Variants in TRUB1 observed in about 807,000 individuals in gnomAD.
The protein encoded by TRUB1 is pseudouridylate synthase TRUB1.
TRUB1 carries 23 observed loss-of-function variants against 33.9 expected under a neutral mutation model. That is an observed-to-expected ratio of 0.68 (90% CI 0.49 to 0.96). The LOEUF is 0.96. Among genes scored for constraint, TRUB1 ranks in the 40% least tolerant of loss-of-function variants. The pLI, the probability that TRUB1 is intolerant of heterozygous loss-of-function variation, is 0.00. For synonymous variants in TRUB1, 163 were observed against 165.4 expected (o/e 0.99, Z 0.11); for missense variants, 378 against 422.2 (o/e 0.90, Z 0.92).
intron 3 of TRUB1, among the ~76,000 whole-genome samples, chr10:114,957,017 C>T (rs550877142): frequency 1.3e-5 from 2 of 152,278 alleles, no homozygotes; most frequent in South Asian, 4.1e-4. Flanking sequence ...TGGGTTGAGA[C>T]TTAGCAGATG....
rs146370794 is a variant in TRUB1 at position 114,953,831 on chromosome 10, C to T, written c.441+2682C>T. Among the ~76,000 whole-genome samples, 635 of 152,090 alleles carry T rather than the reference C, an allele frequency of 4.2e-3. 7 individuals carry two copies. The highest frequency in any genetic ancestry group is 0.015 in the African/African-American group (606 of 41,478). On this transcript the variant is annotated intron_variant, in intron 3 of 7. Coordinates refer to ENST00000298746, the MANE Select transcript of TRUB1 (RefSeq NM_139169.5). Reference sequence around the variant, plus strand: ...AGAGAGGGAGTGACAGAGAGAGAGGCGGAGGTGCCAGGCTCTTTTAAACAG... The same window carrying T: ...AGAGAGGGAGTGACAGAGAGAGAGGTGGAGGTGCCAGGCTCTTTTAAACAG...
intron 4 of TRUB1, among the ~76,000 whole-genome samples, chr10:114,964,930 G>GTTT (rs11320741): frequency 4.7e-5 from 6 of 127,638 alleles, no homozygotes; most frequent in Admixed American, 7.8e-5. Flanking sequence ...TTTTCTATAG[G>GTTT]TTTTTTTTTT....
At position 114,976,779 on chromosome 10, in the gene TRUB1, A is replaced by C. The variant is rs1386378087; in HGVS notation, c.*1400A>C. The C allele has an allele frequency of 6.6e-6, 1 of 152,220 alleles. No individual in the cohort carries two copies. The highest frequency in any genetic ancestry group is 2.4e-5 in the African/African-American group (1 of 41,482). 9.4% of individuals were successfully genotyped at this position (152,220 alleles called of 1,614,324 possible). ...TTGGCAACATATTTTAAATGAAAAC[A>C]CTAAAACAATTCTTAGTATGAGACA... On this transcript the variant is annotated 3_prime_UTR_variant, in exon 8 of 8. Coordinates refer to ENST00000298746, the MANE Select transcript of TRUB1 (RefSeq NM_139169.5).
intron 4 of TRUB1, among the ~76,000 whole-genome samples, chr10:114,967,137 C>T (rs2084312040): frequency 6.6e-6 from 1 of 152,168 alleles, no homozygotes; most frequent in South Asian, 2.1e-4. Context: ...GTATTTTCCT[C>T]AAATTCCAGC....
At chr10:114,942,342 C>T (rs1199510133) in intron 1 of TRUB1, among the ~76,000 whole-genome samples, 1 of 152,136 alleles carries the variant, frequency 6.6e-6, no homozygotes, top group African/African-American at 2.4e-5. Context: ...CAAGAATTTA[C>T]TAGATTTTTG....
intron 6 of TRUB1, 119 bp from the exon 7 acceptor site, chr10:114,974,210 T>G (rs567255723): frequency 4.0e-6 from 3 of 743,242 alleles, no homozygotes; most frequent in Non-Finnish European, 6.9e-6. Flanking sequence ...AGTGCATAAA[T>G]ATTTTATCAC....
chr10:114,956,304 A>G (rs2084261555), intron 3 of TRUB1, among the ~76,000 whole-genome samples: 1 of 152,210 alleles, frequency 6.6e-6, no homozygotes, highest in Admixed American at 6.5e-5. Context: ...TCCCAGGTAT[A>G]CGTCTTGGAG....
chr10:114,970,602 T>C (rs1338497680), intron 5 of TRUB1, among the ~76,000 whole-genome samples, 162 bp downstream of exon 5: 1 of 152,226 alleles, frequency 6.6e-6, no homozygotes, highest in Non-Finnish European at 1.5e-5. Context: ...ATGTGGAGCT[T>C]TTGACACTCT....
rs1188895360 is a variant in TRUB1, at chr10:114,976,587, T to C, written c.*1208T>C. 2 of 152,280 alleles carry C rather than the reference T, an allele frequency of 1.3e-5. No homozygotes were observed. The highest frequency in any genetic ancestry group is 3.9e-4 in the East Asian group (2 of 5,188). 9.4% of individuals were successfully genotyped at this position (152,280 alleles called of 1,614,324 possible). On this transcript the variant is annotated 3_prime_UTR_variant, in exon 8 of 8. Coordinates refer to ENST00000298746, the MANE Select transcript of TRUB1 (RefSeq NM_139169.5). ...ATGAGAAATTTCATAAAATACAAGT[T>C]TTTAGATGTTTATGCTTTGCCTTTC...
chr10:114,970,893 C>T (rs956850993), intron 5 of TRUB1, among the ~76,000 whole-genome samples: 6 of 152,150 alleles, frequency 3.9e-5, no homozygotes, highest in Admixed American at 1.3e-4. Flanking sequence ...CTGCAGCCAG[C>T]GAAACCGATG....
chr10:114,955,479 C>G (rs2084258027), intron 3 of TRUB1, among the ~76,000 whole-genome samples: 1 of 152,084 alleles, frequency 6.6e-6, no homozygotes, highest in Admixed American at 6.5e-5. Flanking sequence ...ATAAAGGTAC[C>G]TCCATATCTC....
chr10:114,959,932 T>G (rs1261262490), intron 4 of TRUB1, 125 bp downstream of exon 4: 24 of 629,198 alleles, frequency 3.8e-5, no homozygotes, highest in Middle Eastern at 3.8e-4. Flanking sequence ...TTCTTTGGGC[T>G]AAGAAGATTG....
At chr10:114,944,515 C>T (rs753469927) in intron 2 of TRUB1, among the ~76,000 whole-genome samples, 40 of 151,914 alleles carry the variant, frequency 2.6e-4, no homozygotes, top group Admixed American at 1.6e-3. Context: ...AAAAATTAGC[C>T]GGGCATGGTG....
intron 4 of TRUB1, among the ~76,000 whole-genome samples, chr10:114,961,600 A>G (rs1206781123): frequency 6.6e-6 from 1 of 152,222 alleles, no homozygotes; most frequent in African/African-American, 2.4e-5. Context: ...TCTCATTGTA[A>G]TGATGCAGTA....
chr10:114,967,220 ACAGTTAAGAAAG>A (rs796655463), intron 4 of TRUB1, among the ~76,000 whole-genome samples: 9 of 152,220 alleles, frequency 5.9e-5, no homozygotes, highest in African/African-American at 2.2e-4. Flanking sequence ...TCTCTGTCCC[ACAGTTAAGAAAG>A]CACCTCCAGA....
chr10:114,961,641 G>A (rs1437817445), intron 4 of TRUB1, among the ~76,000 whole-genome samples: 1 of 152,170 alleles, frequency 6.6e-6, no homozygotes, highest in Non-Finnish European at 1.5e-5. Flanking sequence ...CGTTTTTCAG[G>A]CTGTGAAGAG....
intron 1 of TRUB1, among the ~76,000 whole-genome samples, chr10:114,939,277 A>G (rs1196037717): frequency 6.6e-6 from 1 of 152,224 alleles, no homozygotes; most frequent in Non-Finnish European, 1.5e-5. Context: ...TTTCACACAT[A>G]AAGCATCCAG....
intron 5 of TRUB1, among the ~76,000 whole-genome samples, chr10:114,971,321 C>T (rs558221348): frequency 5.9e-5 from 9 of 152,208 alleles, no homozygotes; most frequent in Admixed American, 4.6e-4. Context: ...TTTTCGTGCA[C>T]ATTACCATTT....
Position 114,959,824 on chromosome 10 carries a change from A to C in TRUB1, c.523+17A>C, listed in dbSNP as rs572644796. On this transcript the variant is annotated intron_variant, in intron 4 of 7. Coordinates refer to ENST00000298746, the MANE Select transcript of TRUB1 (RefSeq NM_139169.5). ...AACCTTACGGTATGAAGCTCATCTA[A>C]TGTAGGCCTCTTTTCTAACATTTAG... The C allele has an allele frequency of 6.8e-7, 1 of 1,465,986 alleles. No homozygotes were observed. Among genetic ancestry groups the C allele is most frequent in the South Asian group, 1.2e-5 (1 of 84,068 alleles). 90.8% of individuals were successfully genotyped at this position (1,465,986 alleles called of 1,614,324 possible). A position where few individuals can be genotyped will look rare whatever the true frequency, so the allele number is the denominator to read the frequency against.
Sources: allele counts gnomAD v4.1 joint callset (sites outside exome capture counted in the v4.1 genomes callset), GRCh38; gene constraint gnomAD v4.1.1; transcripts MANE v1.5; gene names NCBI Gene and HGNC (gene_info 2026-07-23, HGNC 2026-07-21).